Variants in KCNJ13 observed in about 807,000 individuals in gnomAD.
The protein encoded by KCNJ13 is inward rectifier potassium channel 13.
KCNJ13 carries 9 observed loss-of-function variants against 24.6 expected under a neutral mutation model. The observed-to-expected ratio is 0.37, with a 90% CI of 0.22 to 0.64. KCNJ13 has a LOEUF of 0.64. KCNJ13 is among the 30% of genes least tolerant of loss of function. The probability of loss-of-function intolerance (pLI) is 0.64; values close to 1 mark genes in which losing one functional copy is unlikely to be tolerated. For missense variants in KCNJ13, 337 were observed against 443.8 expected, an observed-to-expected ratio of 0.76 and a Z score of 2.16; for synonymous variants, 148 against 154.7, an observed-to-expected ratio of 0.96 and a Z score of 0.32.
rs1699053515 is a variant in KCNJ13, at chr2:232,768,174, TA to T, written c.*16del. On this transcript the variant is annotated 3_prime_UTR_variant, in exon 3 of 3. Coordinates refer to ENST00000233826, the MANE Select transcript of KCNJ13 (RefSeq NM_002242.4). ...AACTGGCTGGGTGTATTTAATACAT[TA>T]AAAAATGGATAAGTCTTATTCTGTC... The T allele has an allele frequency of 3.1e-6, 5 of 1,613,436 alleles. No individual in the cohort carries two copies. Among genetic ancestry groups the T allele is most frequent in the South Asian group, 1.1e-5 (1 of 91,020 alleles).
At chr2:232,769,550 A>G (rs1699143198) in intron 2 of KCNJ13, among the ~76,000 whole-genome samples, 1 of 150,324 alleles carries the variant, frequency 6.7e-6, no homozygotes, top group South Asian at 2.1e-4. Context: ...AGAATTTTTA[A>G]ACTTTGAAAC....
At chr2:232,773,683 A>T (rs1699377500) in intron 1 of KCNJ13, among the ~76,000 whole-genome samples, 1 of 152,036 alleles carries the variant, frequency 6.6e-6, no homozygotes, top group Non-Finnish European at 1.5e-5. Context: ...ATATTAGCTA[A>T]TATATATATT....
intron 1 of KCNJ13, among the ~76,000 whole-genome samples, chr2:232,774,045 G>A (rs907691527): frequency 6.6e-6 from 1 of 151,676 alleles, no homozygotes; most frequent in Non-Finnish European, 1.5e-5. Flanking sequence ...ACTTTGGGAC[G>A]TTGAGTCGGG....
intron 2 of KCNJ13, 38 bp from the exon 3 acceptor site, chr2:232,768,851 A>T (rs1490844836): frequency 1.3e-6 from 2 of 1,537,812 alleles, no homozygotes; most frequent in East Asian, 2.3e-5. Context: ...TAGAATGAAG[A>T]CTTTAAATAT....
intron 1 of KCNJ13, 72 bp downstream of exon 1, chr2:232,776,373 G>C (rs737027): frequency 0.64 from 716,929 of 1,115,630 alleles, 232,382 homozygotes; most frequent in South Asian, 0.79. Context: ...TAGCTCTGTT[G>C]CTATTTGCCA....
rs1698962153 is a variant in KCNJ13 at position 232,766,316 on chromosome 2, A to G, written c.*1875T>C. 1 of 214,760 alleles carries G rather than the reference A, an allele frequency of 4.7e-6. No individual in the cohort carries two copies. The highest frequency in any genetic ancestry group is 1.2e-4 in the East Asian group (1 of 8,030). The allele number at this position is 214,760 out of a possible 1,614,324, so 13.3% of individuals were successfully genotyped here. ...AATGCCAAATTTATTATAAACAGTA[A>G]GTATAATATGAAACTCATCTGACTT... On this transcript the variant is annotated 3_prime_UTR_variant, in exon 3 of 3. Coordinates refer to ENST00000233826, the MANE Select transcript of KCNJ13 (RefSeq NM_002242.4).
Position 232,767,973 on chromosome 2 carries a change from T to TA in KCNJ13, c.*217dup. The TA allele has an allele frequency of 1.8e-6, 1 of 557,856 alleles. No individual in the cohort carries two copies. Among genetic ancestry groups the TA allele is most frequent in the South Asian group, 2.1e-5 (1 of 48,506 alleles). The allele number at this position is 557,856 out of a possible 1,614,324, so 34.6% of individuals were successfully genotyped here. On this transcript the variant is annotated 3_prime_UTR_variant, in exon 3 of 3. Coordinates refer to ENST00000233826, the MANE Select transcript of KCNJ13 (RefSeq NM_002242.4). ...TGTATAAGTGTCTGTCAAGTTGAGTTACATTGATTTCAGCAGGTAACAAAC... is the reference window on the plus strand; with the variant it reads ...TGTATAAGTGTCTGTCAAGTTGAGTTAACATTGATTTCAGCAGGTAACAAAC...
intron 1 of KCNJ13, among the ~76,000 whole-genome samples, chr2:232,776,132 CTT>C (rs201750439): frequency 6.6e-6 from 1 of 151,176 alleles, no homozygotes; most frequent in Non-Finnish European, 1.5e-5. Context: ...AAGAAAAAGA[CTT>C]TTTTTTTCCT....
chr2:232,770,867 TG>T (rs1412961298), intron 2 of KCNJ13, 35 bp downstream of exon 2: 4 of 1,486,932 alleles, frequency 2.7e-6, no homozygotes, highest in East Asian at 4.5e-5. Context: ...GTTTTGTTTT[TG>T]TTTTTGTTTT....
chr2:232,768,102 A>C lies in KCNJ13; in HGVS notation c.*89T>G. 1 of 1,319,008 alleles carries C rather than the reference A, an allele frequency of 7.6e-7. No individual in the cohort carries two copies. Among genetic ancestry groups the C allele is most frequent in the East Asian group, 2.3e-5 (1 of 43,490 alleles). The allele number at this position is 1,319,008 out of a possible 1,614,324, so 81.7% of individuals were successfully genotyped here. A position where few individuals can be genotyped will look rare whatever the true frequency, so the allele number is the denominator to read the frequency against. On this transcript the variant is annotated 3_prime_UTR_variant, in exon 3 of 3. Coordinates refer to ENST00000233826, the MANE Select transcript of KCNJ13 (RefSeq NM_002242.4). ...CGTGATGTAGAGAGCTATAATTAGC[A>C]TTGAAAAAAGAAAACATGAGATACA...
chr2:232,772,770 C>T (rs1221155099), intron 1 of KCNJ13, among the ~76,000 whole-genome samples: 1 of 152,076 alleles, frequency 6.6e-6, no homozygotes, highest in Non-Finnish European at 1.5e-5. Context: ...AGGTAGATAC[C>T]CTTGAGAGTG....
rs1331123136 is a variant in KCNJ13 at position 232,768,254 on chromosome 2, A to G, written c.1020T>C (p.Asp340=). The change falls in exon 3 of 3, where the codon GAT becomes GAC. Residue 340 remains aspartate (D), a synonymous_variant. Coordinates refer to ENST00000233826, the MANE Select transcript of KCNJ13 (RefSeq NM_002242.4). ...CAATGCTTTGTCCATTGATGTGGAT[A>G]TCCAGGTCAGTCCTGTTTGGGCTTT... ...VSKSPNRTDL[D]IHINGQSIDN... 6 of 1,614,032 alleles carry G rather than the reference A, an allele frequency of 3.7e-6. No individual in the cohort carries two copies. The Admixed American group carries it at 8.3e-5, about 22-fold the overall frequency.
Position 232,768,647 on chromosome 2 carries a change from A to G in KCNJ13, c.627T>C (p.Tyr209=), listed in dbSNP as rs1406003973. 4 of 1,614,092 alleles carry G rather than the reference A, an allele frequency of 2.5e-6. No homozygotes were observed. Among genetic ancestry groups the G allele is most frequent in the Non-Finnish European group, 2.5e-6 (3 of 1,180,002 alleles). The change falls in exon 3 of 3, where the codon TAT becomes TAC. Residue 209 remains tyrosine (Y), a synonymous_variant. Coordinates refer to ENST00000233826, the MANE Select transcript of KCNJ13 (RefSeq NM_002242.4). ...AGAGTTTGCCATTTTCTCTTTCCTG[A>G]TAGAGTACAGCTGAGACCCGGACAC... ...LTSVRVSAVL[Y]QERENGKLYQ... is the part of the protein sequence containing the mutation.
chr2:232,775,155 C>T (rs981457750), intron 1 of KCNJ13, among the ~76,000 whole-genome samples: 1 of 151,842 alleles, frequency 6.6e-6, no homozygotes, highest in Non-Finnish European at 1.5e-5. Flanking sequence ...ATTTCTGATT[C>T]CCACTTAACC....
chr2:232,771,441 A>G (rs1193599696), intron 1 of KCNJ13, 63 bp from the exon 2 acceptor site: 1 of 1,097,778 alleles, frequency 9.1e-7, no homozygotes, highest in Admixed American at 2.3e-5. Context: ...GTGAATTTGG[A>G]GAGCTCATGG....
chr2:232,775,426 G>A (rs1699471178), intron 1 of KCNJ13, among the ~76,000 whole-genome samples: 1 of 152,104 alleles, frequency 6.6e-6, no homozygotes, highest in African/African-American at 2.4e-5. Context: ...TCCTACAAAG[G>A]ATACAAGTTT....
intron 1 of KCNJ13, among the ~76,000 whole-genome samples, chr2:232,775,750 GT>G (rs1252797568): frequency 6.6e-6 from 1 of 152,162 alleles, no homozygotes; most frequent in African/African-American, 2.4e-5. Context: ...AAATAGTATA[GT>G]TCATACTGAG....
rs1341624704 is a variant in KCNJ13, at chr2:232,766,950, G to A, written c.*1241C>T. 6.6e-6 allele frequency: 1 copy of A among 151,996 alleles called. No homozygotes were observed. Among genetic ancestry groups the A allele is most frequent in the East Asian group, 1.9e-4 (1 of 5,194 alleles). 9.4% of individuals were successfully genotyped at this position (151,996 alleles called of 1,614,324 possible). A position where few individuals can be genotyped will look rare whatever the true frequency, so the allele number is the denominator to read the frequency against. ...TGATAGGGTGACTTTTTTGGTTTTT[G>A]TTTTGTTTTAAGGACAGTTTCTCTT... On this transcript the variant is annotated 3_prime_UTR_variant, in exon 3 of 3. Transcript: ENST00000233826.
Position 232,772,774 on chromosome 2 carries a change from G to A in KCNJ13, c.-16-1396C>T, listed in dbSNP as rs116432303. ...TCTTCCTTTAGAGGTAGATACCCTT[G>A]AGAGTGCTGCATACCCACTTCCTGC... On this transcript the variant is annotated intron_variant, in intron 1 of 2. Transcript: ENST00000233826. 9.7e-4 allele frequency among the ~76,000 whole-genome samples: 147 copies of A among 152,288 alleles called. 1 individual carries two copies. Among genetic ancestry groups the A allele is most frequent in the African/African-American group, 3.3e-3 (138 of 41,560 alleles).
Sources: allele counts gnomAD v4.1 joint callset (sites outside exome capture counted in the v4.1 genomes callset), GRCh38; gene constraint gnomAD v4.1.1; transcripts MANE v1.5; gene names NCBI Gene and HGNC (gene_info 2026-07-23, HGNC 2026-07-21).